The following ABI3BP variants were observed in gnomAD, a reference collection of about 807,000 sequenced individuals.
The protein encoded by ABI3BP is ABI family member 3 binding protein.
Under a neutral mutation model 268.6 loss-of-function variants are expected in ABI3BP, and 216 were observed. That is an observed-to-expected ratio of 0.80 (90% CI 0.72 to 0.90). ABI3BP has a LOEUF of 0.90. Among genes scored for constraint, ABI3BP ranks in the 40% least tolerant of loss-of-function variants. The pLI is 0.00. For synonymous variants in ABI3BP, 730 were observed against 730.0 expected (o/e 1.00, Z 0.00); for missense variants, 2,090 against 2,182.4 (o/e 0.96, Z 0.84).
At chr3:100,847,078 C>A (rs760740187) in intron 19 of ABI3BP, among the ~76,000 whole-genome samples, 3 of 151,950 alleles carry the variant, frequency 2.0e-5, no homozygotes, top group African/African-American at 4.8e-5. Flanking sequence ...TTTAGGGTGG[C>A]ATTTTTCTTT....
At chr3:100,820,132 C>A in intron 40 of ABI3BP, 88 bp downstream of exon 40, 1 of 1,180,524 alleles carries the variant, frequency 8.5e-7, no homozygotes, top group Non-Finnish European at 1.2e-6. Flanking sequence ...ATGGTACTCA[C>A]ACAGGCCATC....
chr3:100,803,985 G>A (rs2097614193), intron 51 of ABI3BP, among the ~76,000 whole-genome samples: 1 of 152,042 alleles, frequency 6.6e-6, no homozygotes, highest in Admixed American at 6.6e-5. Context: ...CTTTGGCTCT[G>A]GAAATGTTCT....
chr3:100,986,494 T>A (rs1031611043), intron 1 of ABI3BP, among the ~76,000 whole-genome samples: 3 of 151,824 alleles, frequency 2.0e-5, no homozygotes, highest in Non-Finnish European at 2.9e-5. Context: ...TGAAATGGAG[T>A]CTTGCTCTGT....
chr3:100,816,837 G>C (rs2098067075), intron 42 of ABI3BP, 69 bp from the exon 43 acceptor site: 1 of 1,101,674 alleles, frequency 9.1e-7, no homozygotes. Flanking sequence ...GTTTTTAAAG[G>C]TATGTCATAT....
At chr3:100,821,628 A>C (rs1055681372) in intron 38 of ABI3BP, among the ~76,000 whole-genome samples, 1 of 112,216 alleles carries the variant, frequency 8.9e-6, no homozygotes, top group Non-Finnish European at 1.7e-5. Context: ...TTTGAGATGG[A>C]GTCTTGCTCT....
At position 100,801,877 on chromosome 3, in the gene ABI3BP, A is replaced by G. The variant is rs2097546449; in HGVS notation, c.3757+2915T>C. Among the ~76,000 whole-genome samples, 15 of 152,250 alleles carry G rather than the reference A, an allele frequency of 9.9e-5. No homozygotes were observed. The South Asian group carries it at 3.1e-3, about 32-fold the overall frequency. ...AACTCCTATTTTGACAAAAAGTATAAATGGAAATAATTGTTAACTATTGTT... is the reference window on the plus strand; with the variant it reads ...AACTCCTATTTTGACAAAAAGTATAGATGGAAATAATTGTTAACTATTGTT... On this transcript the variant is annotated intron_variant, in intron 51 of 67. Coordinates refer to ENST00000471714, the MANE Select transcript of ABI3BP (RefSeq NM_001375547.2).
Position 100,750,571 on chromosome 3 carries a change from C to T in ABI3BP, c.5285G>A (p.Gly1762Glu). 1 of 1,613,082 alleles carries T rather than the reference C, an allele frequency of 6.2e-7. No homozygotes were observed. The highest frequency in any genetic ancestry group is 8.5e-7 in the Non-Finnish European group (1 of 1,179,398). Residue 1762 changes from glycine to glutamate, a missense_variant, in exon 68 of 68, where the codon GGA becomes GAA. By Grantham distance (98) the Gly-to-Glu change is moderately conservative. Transcript: ENST00000471714. ...GATTTGGGTGTGACCACCTATTTCT[C>T]CAAATTGGACAGGTTCCTGGCGAAC... Reference protein sequence around the residue: ...RAVRQEPVQFGEIGGHTQINY... With the variant: ...RAVRQEPVQFEEIGGHTQINY...
chr3:100,900,464 C>T (rs143203069), intron 3 of ABI3BP, among the ~76,000 whole-genome samples: 82 of 152,304 alleles, frequency 5.4e-4, no homozygotes, highest in African/African-American at 1.9e-3. Context: ...CCTGGGTCTC[C>T]TCAATCACAA....
At chr3:100,784,512 G>A (rs1314332743) in intron 57 of ABI3BP, among the ~76,000 whole-genome samples, 1 of 152,094 alleles carries the variant, frequency 6.6e-6, no homozygotes, top group East Asian at 1.9e-4. Flanking sequence ...ATTCAACCCA[G>A]CAATACTACT....
chr3:100,832,400 T>C (rs1458812135), intron 30 of ABI3BP, 50 bp from the exon 31 acceptor site: 20 of 1,446,830 alleles, frequency 1.4e-5, no homozygotes, highest in East Asian at 4.9e-5. Flanking sequence ...CTCCATTCAC[T>C]GTGAATAGGA....
At chr3:100,761,917 C>G (rs1304745528) in intron 63 of ABI3BP, among the ~76,000 whole-genome samples, 12 of 152,226 alleles carry the variant, frequency 7.9e-5, no homozygotes, top group African/African-American at 2.7e-4. Context: ...TGTTGGAACA[C>G]TGCTGTAATA....
chr3:100,836,578 T>C (rs190290967), intron 27 of ABI3BP, among the ~76,000 whole-genome samples: 15 of 152,296 alleles, frequency 9.8e-5, no homozygotes, highest in East Asian at 1.9e-4. Context: ...ACAATATTTA[T>C]AATTAATTGC....
At chr3:100,917,443 G>GT (rs1380635625) in intron 2 of ABI3BP, among the ~76,000 whole-genome samples, 1 of 151,062 alleles carries the variant, frequency 6.6e-6, no homozygotes, top group African/African-American at 2.4e-5. Context: ...GTTTTGAAAT[G>GT]TAAAAAAAAA....
intron 20 of ABI3BP, among the ~76,000 whole-genome samples, 154 bp from the exon 21 acceptor site, chr3:100,842,193 C>G (rs1389888074): frequency 1.3e-5 from 2 of 152,244 alleles, no homozygotes; most frequent in Admixed American, 1.3e-4. Context: ...CACATCCTCT[C>G]TACAAACCAC....
chr3:100,847,729 C>T, intron 18 of ABI3BP, 56 bp from the exon 19 acceptor site: 1 of 1,404,230 alleles, frequency 7.1e-7, no homozygotes, highest in African/African-American at 1.4e-5. Flanking sequence ...AAAAAGACAC[C>T]CTCTAAAGAG....
chr3:100,753,304 CT>C (rs553200547), intron 65 of ABI3BP, among the ~76,000 whole-genome samples: 630 of 144,128 alleles, frequency 4.4e-3, no homozygotes, highest in Admixed American at 5.4e-3. Flanking sequence ...GTGTTAATAT[CT>C]TTTTTTTTTT....
chr3:100,817,440 C>T lies in ABI3BP; in HGVS notation c.3144G>A (p.Thr1048=), dbSNP rs12632235. The part of the protein sequence containing the change: ...DTFRTKFPET[T]LAPKTQRTRR... ...AGGAACACAGAATATCATTACCTAA[C>T]GTTGTTTCTGGAAACTTGGTTCTAA... The change falls in exon 42 of 68, where the codon ACG becomes ACA. Residue 1048 remains threonine (T), a synonymous_variant. Coordinates refer to ENST00000471714, the MANE Select transcript of ABI3BP (RefSeq NM_001375547.2). 52,027 of 1,508,722 alleles carry T rather than the reference C, an allele frequency of 0.034. 2,322 individuals carry two copies. Among genetic ancestry groups the T allele is most frequent in the African/African-American group, 0.17 (12,278 of 72,436 alleles). The allele number at this position is 1,508,722 out of a possible 1,614,324, so 93.5% of individuals were successfully genotyped here.
At chr3:100,813,524 AAG>A (rs2152518623) in intron 45 of ABI3BP, 135 bp downstream of exon 45, 2 of 595,104 alleles carry the variant, frequency 3.4e-6, no homozygotes, top group East Asian at 2.8e-5. Flanking sequence ...AATCACAAAA[AAG>A]AGCATTGTGC....
intron 8 of ABI3BP, 67 bp from the exon 9 acceptor site, chr3:100,875,000 G>C (rs1005062860): frequency 1.1e-6 from 1 of 892,028 alleles, no homozygotes; most frequent in African/African-American, 1.7e-5. Context: ...ATGAAGCTCA[G>C]CACATCAGAT....
Sources: gnomAD v4.1 joint callset for allele counts (sites outside exome capture counted in the v4.1 genomes callset) on GRCh38, gnomAD v4.1.1 for gene constraint, MANE v1.5 for transcripts, NCBI Gene and HGNC (gene_info 2026-07-23, HGNC 2026-07-21) for gene names.